The following YIPF4 variants were observed in gnomAD, a reference collection of about 807,000 sequenced individuals.
The protein encoded by YIPF4 is Yip1 domain family member 4.
Under a neutral mutation model 29.4 loss-of-function variants are expected in YIPF4, and 18 were observed. The ratio of observed to expected loss-of-function variants is 0.61; its 90% CI spans 0.42 to 0.91. The LOEUF (loss-of-function observed/expected upper bound fraction) is 0.91, where lower values mean the gene tolerates loss of function less well. Ranked by LOEUF, YIPF4 falls within the 40% of genes least tolerant of loss-of-function variation. The pLI is 0.00. For missense variants in YIPF4, 279 were observed against 282.7 expected (o/e 0.99, Z 0.09); for synonymous variants, 115 against 104.7 (o/e 1.10, Z -0.60).
chr2:32,302,771 G>A (rs2031450351), intron 5 of YIPF4, among the ~76,000 whole-genome samples: 2 of 152,098 alleles, frequency 1.3e-5, no homozygotes, highest in Non-Finnish European at 2.9e-5. Context: ...CTGCTGTTAT[G>A]TAGCTTCCAC....
chr2:32,285,768 G>C (rs1041078942), intron 1 of YIPF4, among the ~76,000 whole-genome samples: 2 of 150,832 alleles, frequency 1.3e-5, no homozygotes, highest in African/African-American at 4.9e-5. Flanking sequence ...CAATTCTCCT[G>C]CCTCAGCCTC....
intron 3 of YIPF4, among the ~76,000 whole-genome samples, chr2:32,293,680 C>A (rs1444045636): frequency 1.3e-5 from 2 of 152,074 alleles, no homozygotes; most frequent in Non-Finnish European, 2.9e-5. Context: ...GGCAGAGGCA[C>A]CCCTCACCTC....
intron 4 of YIPF4, among the ~76,000 whole-genome samples, chr2:32,300,893 G>A (rs1263608286): frequency 6.6e-6 from 1 of 152,166 alleles, no homozygotes; most frequent in Non-Finnish European, 1.5e-5. Flanking sequence ...AGCATGTGAA[G>A]CCCTATCACA....
chr2:32,291,000 A>G (rs2030886115), intron 2 of YIPF4: 1 of 153,034 alleles, frequency 6.5e-6, no homozygotes, highest in South Asian at 2.1e-4. Context: ...TTACCACTCC[A>G]AAATCTCTTC....
At chr2:32,302,547 GTTAT>G (rs2031441706) in intron 5 of YIPF4, among the ~76,000 whole-genome samples, 1 of 151,930 alleles carries the variant, frequency 6.6e-6, no homozygotes, top group Non-Finnish European at 1.5e-5. Flanking sequence ...ACTTCTTTGT[GTTAT>G]TTATGTTAAA....
chr2:32,304,809 T>G lies in YIPF4; in HGVS notation c.598-680T>G, dbSNP rs555455155. On this transcript the variant is annotated intron_variant, in intron 5 of 5. Transcript: ENST00000238831. ...AAAATGTGTTAGGTGACTACATCAATAAGTATTGCATAAGTTTCCAGTAGA... is the reference window on the plus strand; with the variant it reads ...AAAATGTGTTAGGTGACTACATCAAGAAGTATTGCATAAGTTTCCAGTAGA... 7.4e-4 allele frequency among the ~76,000 whole-genome samples: 112 copies of G among 152,228 alleles called. 1 individual carries two copies. The highest frequency in any genetic ancestry group is 1.4e-3 in the Non-Finnish European group (95 of 68,036).
rs2031723664 is a variant in YIPF4 at position 32,311,958 on chromosome 2, C to G, written c.*6332C>G. The G allele has an allele frequency of 6.6e-6, 1 of 152,182 alleles. No homozygotes were observed. The highest frequency in any genetic ancestry group is 2.4e-5 in the African/African-American group (1 of 41,438). The allele number at this position is 152,182 out of a possible 1,614,324, so 9.4% of individuals were successfully genotyped here. A position where few individuals can be genotyped will look rare whatever the true frequency, so the allele number is the denominator to read the frequency against. On this transcript the variant is annotated 3_prime_UTR_variant, in exon 6 of 6. Transcript: ENST00000238831. ...ATTTTTGCTCTATTTTATACCTACT[C>G]ACTTTGGTGGAATTAGTTCTCCATG... is the stretch of plus-strand genomic sequence containing the variant.
chr2:32,298,730 T>G (rs1473680353), intron 4 of YIPF4, among the ~76,000 whole-genome samples: 1 of 152,052 alleles, frequency 6.6e-6, no homozygotes, highest in African/African-American at 2.4e-5. Context: ...GGCTAATTTT[T>G]GAATTTTTAG....
chr2:32,296,393 C>A (rs914980608), intron 3 of YIPF4, among the ~76,000 whole-genome samples: 1 of 151,690 alleles, frequency 6.6e-6, no homozygotes, highest in Non-Finnish European at 1.5e-5. Context: ...ATTGCTTGAA[C>A]CCGGGAGGTG....
chr2:32,290,738 T>C (rs1194404131), intron 2 of YIPF4, 102 bp downstream of exon 2: 42 of 773,874 alleles, frequency 5.4e-5, no homozygotes, highest in Non-Finnish European at 7.2e-5. Context: ...CCTTTTTTGG[T>C]CAAAAGCTAT....
chr2:32,300,122 T>A (rs973860904), intron 4 of YIPF4, among the ~76,000 whole-genome samples: 3 of 152,050 alleles, frequency 2.0e-5, no homozygotes, highest in Non-Finnish European at 4.4e-5. Flanking sequence ...CAAAATTAGC[T>A]GGATGTGGTG....
intron 3 of YIPF4, among the ~76,000 whole-genome samples, chr2:32,297,796 C>A (rs1296379914): frequency 6.6e-6 from 1 of 152,106 alleles, no homozygotes; most frequent in Non-Finnish European, 1.5e-5. Flanking sequence ...TGTATTGTTA[C>A]ACCAAGTTTG....
intron 1 of YIPF4, among the ~76,000 whole-genome samples, chr2:32,286,746 A>T (rs192351470): frequency 2.0e-5 from 3 of 152,162 alleles, no homozygotes; most frequent in Admixed American, 2.0e-4. Flanking sequence ...GGGTTTTACC[A>T]CGTTGGCCAG....
chr2:32,302,033 CTTTTTTTTTTTT>C, intron 5 of YIPF4, among the ~76,000 whole-genome samples: 1 of 134,412 alleles, frequency 7.4e-6, no homozygotes, highest in Non-Finnish European at 1.6e-5. Context: ...TTCTTTCTTT[CTTTTTTTTTTTT>C]TTTGAGACAG....
At chr2:32,298,450 A>C in intron 4 of YIPF4, 139 bp downstream of exon 4, 1 of 602,068 alleles carries the variant, frequency 1.7e-6, no homozygotes, top group Non-Finnish European at 2.9e-6. Flanking sequence ...GATGATCAAC[A>C]TATTAGTATT....
Position 32,306,282 on chromosome 2 carries a change from G to A in YIPF4, c.*656G>A. The A allele has an allele frequency of 1.0e-6, 1 of 979,652 alleles. No individual in the cohort carries two copies. Among genetic ancestry groups the A allele is most frequent in the Non-Finnish European group, 1.2e-6 (1 of 824,430 alleles). 60.7% of individuals were successfully genotyped at this position (979,652 alleles called of 1,614,324 possible). On this transcript the variant is annotated 3_prime_UTR_variant, in exon 6 of 6. Coordinates refer to ENST00000238831, the MANE Select transcript of YIPF4 (RefSeq NM_032312.4). ...CTACTAAAACTGATTTTTAATAGTT[G>A]CTGATATATATTTGGTTTGTTTGGG...
In YIPF4 at chr2:32,315,000, GTTTA is replaced by G. The variant is rs1056383355; in HGVS notation, c.*9378_*9381del. The G allele has an allele frequency of 3.3e-5, 5 of 152,150 alleles. No individual in the cohort carries two copies. Among genetic ancestry groups the G allele is most frequent in the Admixed American group, 2.0e-4 (3 of 15,280 alleles). The allele number at this position is 152,150 out of a possible 1,614,324, so 9.4% of individuals were successfully genotyped here. On this transcript the variant is annotated 3_prime_UTR_variant, in exon 6 of 6. Transcript: ENST00000238831. ...CCTGTGATTACTAGCTTCACTGTGA[GTTTA>G]TTTTTTCACGTAATAAATCCAAGGT...
At position 32,288,244 on chromosome 2, in the gene YIPF4, T is replaced by A. The variant is rs143532702; in HGVS notation, c.80-2239T>A. On this transcript the variant is annotated intron_variant, in intron 1 of 5. Transcript: ENST00000238831. The stretch of plus-strand genomic sequence containing the variant: ...TTTCTACTTTACATGGAACAGAAAG[T>A]ACTAGAAAATTTGTAAGCTGAAGAT... 1.7e-3 allele frequency among the ~76,000 whole-genome samples: 257 copies of A among 152,318 alleles called. 3 individuals carry two copies. The East Asian group carries it at 0.035, about 21-fold the overall frequency.
chr2:32,309,801 G>A lies in YIPF4; in HGVS notation c.*4175G>A, dbSNP rs1175753905. ...ATTCCTGGGTTCAAGCAATTCTCATGTCTCAGCCTCCCTAATAGCTAGGAT... is the reference window on the plus strand; with the variant it reads ...ATTCCTGGGTTCAAGCAATTCTCATATCTCAGCCTCCCTAATAGCTAGGAT... On this transcript the variant is annotated 3_prime_UTR_variant, in exon 6 of 6. Coordinates refer to ENST00000238831, the MANE Select transcript of YIPF4 (RefSeq NM_032312.4). 3 of 148,058 alleles carry A rather than the reference G, an allele frequency of 2.0e-5. No individual in the cohort carries two copies. The highest frequency in any genetic ancestry group is 3.0e-5 in the Non-Finnish European group (2 of 67,690). The allele number at this position is 148,058 out of a possible 1,614,324, so 9.2% of individuals were successfully genotyped here.
Sources: allele counts gnomAD v4.1 joint callset (sites outside exome capture counted in the v4.1 genomes callset), GRCh38; gene constraint gnomAD v4.1.1; transcripts MANE v1.5; gene names NCBI Gene and HGNC (gene_info 2026-07-23, HGNC 2026-07-21).